The following DZIP1L variants were observed in gnomAD, a reference collection of about 807,000 sequenced individuals.
The protein encoded by DZIP1L is cilium assembly protein DZIP1L.
DZIP1L carries 90 observed loss-of-function variants against 88.7 expected under a neutral mutation model. The ratio of observed to expected loss-of-function variants is 1.02; its 90% CI spans 0.86 to 1.21. DZIP1L has a LOEUF of 1.21. Ranked by LOEUF, DZIP1L falls within the 50% of genes most tolerant of loss-of-function variation. DZIP1L has a pLI of 0.00. For missense variants in DZIP1L, 932 were observed against 955.8 expected, an observed-to-expected ratio of 0.98 and a Z score of 0.33; for synonymous variants, 363 against 372.1, an observed-to-expected ratio of 0.98 and a Z score of 0.28.
At chr3:138,108,675 G>T (rs1449109077) in intron 1 of DZIP1L, among the ~76,000 whole-genome samples, 1 of 152,012 alleles carries the variant, frequency 6.6e-6, no homozygotes, top group Non-Finnish European at 1.5e-5. Context: ...TTTCTCTCTA[G>T]CCCCTCGGTC....
intron 11 of DZIP1L, among the ~76,000 whole-genome samples, chr3:138,075,922 G>C (rs993997847): frequency 1.3e-5 from 2 of 152,088 alleles, no homozygotes; most frequent in Non-Finnish European, 2.9e-5. Flanking sequence ...TCGCACCACT[G>C]CACTCCAGCA....
chr3:138,090,180 T>A (rs1326881663), intron 5 of DZIP1L, among the ~76,000 whole-genome samples: 2 of 151,240 alleles, frequency 1.3e-5, no homozygotes, highest in Admixed American at 6.6e-5. Flanking sequence ...AATTAAAAAT[T>A]AAAAAAAAGA....
At position 138,068,340 on chromosome 3, in the gene DZIP1L, G is replaced by A. The variant is rs201114444; in HGVS notation, c.1643C>T (p.Thr548Ile). ...SVKSQQSTLV[T>I]REAQPKTRTL... ...CCTGGTCTTTGGCTGGGCCTCTCTG[G>A]TGACCAGTGTGCTCTGCTGGCTTTT... is the stretch of plus-strand genomic sequence containing the variant. Residue 548 changes from threonine (T) to isoleucine (I), a missense_variant, in exon 13 of 16, where the codon ACC (threonine) becomes ATC (isoleucine). Thr to Ile is a moderately conservative substitution (Grantham distance 89). Transcript: ENST00000327532. The A allele has an allele frequency of 6.4e-7, 1 of 1,565,158 alleles. No homozygotes were observed. Among genetic ancestry groups the A allele is most frequent in the Non-Finnish European group, 8.7e-7 (1 of 1,153,170 alleles).
intron 2 of DZIP1L, among the ~76,000 whole-genome samples, chr3:138,100,740 C>T (rs4678402): frequency 2.0e-4 from 31 of 152,300 alleles, no homozygotes; most frequent in Admixed American, 1.4e-3. Flanking sequence ...CCCATCCATC[C>T]GTAAACTATG....
rs2042416016 is a variant in DZIP1L, at chr3:138,104,311, T to TCCCA, written c.-81-263_-81-260dup. Reference sequence around the variant, plus strand: ...TCCTGTGTCTAAGGAGGAACATGGGTCCCACTGTGCAGGCCTGTGGTGAGG... The same window carrying TCCCA: ...TCCTGTGTCTAAGGAGGAACATGGGTCCCACCCACTGTGCAGGCCTGTGGTGAGG... On this transcript the variant is annotated intron_variant, in intron 1 of 15. Coordinates refer to ENST00000327532, the MANE Select transcript of DZIP1L (RefSeq NM_173543.3). 2.0e-5 allele frequency among the ~76,000 whole-genome samples: 3 copies of TCCCA among 152,322 alleles called. No homozygotes were observed. The South Asian group carries it at 6.2e-4, about 32-fold the overall frequency.
At chr3:138,090,574 C>G (rs1304323518) in intron 5 of DZIP1L, among the ~76,000 whole-genome samples, 1 of 152,158 alleles carries the variant, frequency 6.6e-6, no homozygotes, top group Non-Finnish European at 1.5e-5. Flanking sequence ...CCATCCCCAC[C>G]CCAGTGCACA....
intron 2 of DZIP1L, chr3:138,101,871 G>T (rs765234259): frequency 1.4e-6 from 2 of 1,390,844 alleles, no homozygotes; most frequent in East Asian, 4.6e-5. Flanking sequence ...CCTCCAGCTC[G>T]GACAGCTTGG....
In DZIP1L at chr3:138,072,866, G is replaced by A. The variant is rs148920519; in HGVS notation, c.1423-1031C>T. ...ACCGGACTTTAGGACCGCAGGCTGC[G>A]TGGAGATGGGCTGAGGCCTGTGACT... On this transcript the variant is annotated intron_variant, in intron 11 of 15. Transcript: ENST00000327532. Among the ~76,000 whole-genome samples the A allele has an allele frequency of 6.6e-5, 10 of 152,278 alleles. 1 individual carries two copies. In the South Asian group the frequency reaches 8.3e-4, roughly 13 times the overall value.
chr3:138,089,321 T>G, intron 5 of DZIP1L: 149 of 886,362 alleles, frequency 1.7e-4, no homozygotes, highest in Non-Finnish European at 1.9e-4. Flanking sequence ...AACTCCCGGG[T>G]TCTAATGTGT....
At chr3:138,076,110 C>G (rs1943396057) in intron 11 of DZIP1L, among the ~76,000 whole-genome samples, 1 of 152,124 alleles carries the variant, frequency 6.6e-6, no homozygotes, top group African/African-American at 2.4e-5. Flanking sequence ...ACTGGAGGTC[C>G]TAAGGACTCC....
chr3:138,085,728 A>T (rs1943898819), intron 7 of DZIP1L, among the ~76,000 whole-genome samples: 2 of 152,198 alleles, frequency 1.3e-5, no homozygotes, highest in Non-Finnish European at 2.9e-5. Context: ...AACTAGAAAT[A>T]CCATTTGACC....
chr3:138,083,860 G>A (rs1053457698), intron 8 of DZIP1L, among the ~76,000 whole-genome samples: 8 of 152,172 alleles, frequency 5.3e-5, no homozygotes, highest in East Asian at 1.9e-4. Flanking sequence ...GGTGCTGAGC[G>A]TTTTATATGG....
chr3:138,066,676 A>G (rs1410517558), intron 14 of DZIP1L, among the ~76,000 whole-genome samples: 1 of 152,162 alleles, frequency 6.6e-6, no homozygotes, highest in Admixed American at 6.5e-5. Flanking sequence ...CGCGGTGAGC[A>G]CCCAGCAACA....
intron 5 of DZIP1L, among the ~76,000 whole-genome samples, chr3:138,090,044 G>A (rs996203098): frequency 2.5e-4 from 38 of 152,092 alleles, no homozygotes; most frequent in African/African-American, 8.9e-4. Flanking sequence ...TCAGGAGGCT[G>A]AAGGAGGATC....
chr3:138,083,832 T>C (rs1388099987), intron 8 of DZIP1L, among the ~76,000 whole-genome samples: 3 of 152,172 alleles, frequency 2.0e-5, no homozygotes, highest in Non-Finnish European at 2.9e-5. Context: ...AATGAGGTAA[T>C]AAGCAAAGTA....
intron 13 of DZIP1L, among the ~76,000 whole-genome samples, 198 bp downstream of exon 13, chr3:138,067,953 G>T (rs1942987650): frequency 6.6e-6 from 1 of 152,188 alleles, no homozygotes; most frequent in African/African-American, 2.4e-5. Flanking sequence ...ATGGGTAAGG[G>T]GAGGGTGGGT....
intron 4 of DZIP1L, among the ~76,000 whole-genome samples, chr3:138,094,202 G>C (rs1010556644): frequency 1.3e-5 from 2 of 152,158 alleles, no homozygotes; most frequent in Admixed American, 6.5e-5. Flanking sequence ...TAATGAAAAA[G>C]TTTGAAATAT....
chr3:138,106,419 T>G (rs1172579870), intron 1 of DZIP1L, among the ~76,000 whole-genome samples: 1 of 151,600 alleles, frequency 6.6e-6, no homozygotes, highest in Non-Finnish European at 1.5e-5. Context: ...GTTACAGGTA[T>G]GAGCCACTGC....
chr3:138,096,795 G>C (rs1400589682), intron 3 of DZIP1L, among the ~76,000 whole-genome samples: 1 of 151,786 alleles, frequency 6.6e-6, no homozygotes, highest in African/African-American at 2.4e-5. Flanking sequence ...AAGAGAATTT[G>C]AATGATGGAA....
Sources: gnomAD v4.1 joint callset for allele counts (sites outside exome capture counted in the v4.1 genomes callset) on GRCh38, gnomAD v4.1.1 for gene constraint, MANE v1.5 for transcripts, NCBI Gene and HGNC (gene_info 2026-07-23, HGNC 2026-07-21) for gene names.